The following THSD4 variants were observed in gnomAD, a reference collection of about 807,000 sequenced individuals.
THSD4 encodes thrombospondin type 1 domain containing 4, also known as thrombospondin type-1 domain-containing protein 4.
Under a neutral mutation model 119.0 loss-of-function variants are expected in THSD4, and 69 were observed. The observed-to-expected ratio is 0.58, with a 90% CI of 0.48 to 0.71. THSD4 has a LOEUF of 0.71. Ranked by LOEUF, THSD4 falls within the 30% of genes least tolerant of loss-of-function variation. The pLI is 0.00. For missense variants in THSD4, 1,393 were observed against 1,391.1 expected (o/e 1.00, Z -0.02); for synonymous variants, 524 against 540.4 (o/e 0.97, Z 0.42).
At chr15:71,475,760 A>C (rs2047646938) in intron 7 of THSD4, among the ~76,000 whole-genome samples, 1 of 152,100 alleles carries the variant, frequency 6.6e-6, no homozygotes, top group Non-Finnish European at 1.5e-5. Context: ...CTGTCTCTAC[A>C]AAATCGTTTT....
At chr15:71,656,679 C>A (rs2051199118) in intron 7 of THSD4, among the ~76,000 whole-genome samples, 1 of 152,314 alleles carries the variant, frequency 6.6e-6, no homozygotes, top group South Asian at 2.1e-4. Context: ...CCGACTTTTA[C>A]CTAATGGTTA....
chr15:71,536,257 C>T (rs1216420137), intron 7 of THSD4, among the ~76,000 whole-genome samples: 4 of 152,196 alleles, frequency 2.6e-5, no homozygotes, highest in East Asian at 1.9e-4. Context: ...CTACTTCTGG[C>T]TCTTTCCAGC....
At chr15:71,414,769 A>G (rs769065088) in intron 7 of THSD4, among the ~76,000 whole-genome samples, 1 of 152,214 alleles carries the variant, frequency 6.6e-6, no homozygotes, top group Non-Finnish European at 1.5e-5. Flanking sequence ...GTTTGCAGAT[A>G]ATAATTGCTA....
chr15:71,367,356 A>G (rs946413019), intron 6 of THSD4, among the ~76,000 whole-genome samples: 2 of 152,134 alleles, frequency 1.3e-5, no homozygotes, highest in East Asian at 1.9e-4. Flanking sequence ...GGTTTGTTAC[A>G]TATGTATACA....
At chr15:71,609,745 G>A (rs1036978710) in intron 7 of THSD4, among the ~76,000 whole-genome samples, 12 of 151,898 alleles carry the variant, frequency 7.9e-5, no homozygotes, top group Middle Eastern at 3.4e-3. Flanking sequence ...CCAGCTACTC[G>A]GGAGGCTGAG....
chr15:71,121,333 A>T (rs920389994), intron 1 of THSD4, among the ~76,000 whole-genome samples: 3 of 151,578 alleles, frequency 2.0e-5, no homozygotes, highest in African/African-American at 7.3e-5. Context: ...TCAGGCGTGT[A>T]GAAAAGTGCC....
chr15:71,608,437 C>CTCTGTCAACATCATT (rs1250066460), intron 7 of THSD4, among the ~76,000 whole-genome samples: 1 of 152,072 alleles, frequency 6.6e-6, no homozygotes, highest in Non-Finnish European at 1.5e-5. Flanking sequence ...ATTACAAATT[C>CTCTGTCAACATCATT]TCTGTCAACA....
At chr15:71,745,532 T>C (rs2053319359) in intron 12 of THSD4, among the ~76,000 whole-genome samples, 1 of 152,090 alleles carries the variant, frequency 6.6e-6, no homozygotes, top group Non-Finnish European at 1.5e-5. Context: ...GAGAAGCCAG[T>C]GTAGTTGGTG....
Position 71,532,283 on chromosome 15 carries a change from A to AGTGTGT in THSD4, c.1152+120504_1152+120509dup, listed in dbSNP as rs1210856261. On this transcript the variant is annotated intron_variant, in intron 7 of 17. Coordinates refer to ENST00000261862, the MANE Select transcript of THSD4 (RefSeq NM_024817.3). ...AAGGGTGAGAGAGAGAGAGAGAGAGAGTGTGTGTGTGTGTGTGTGTGTGTG... is the reference window on the plus strand; with the variant it reads ...AAGGGTGAGAGAGAGAGAGAGAGAGAGTGTGTGTGTGTGTGTGTGTGTGTGTGTGTG... 6.2e-3 allele frequency among the ~76,000 whole-genome samples: 628 copies of AGTGTGT among 101,610 alleles called. 6 individuals are homozygous for AGTGTGT. The highest frequency in any genetic ancestry group is 0.013 in the South Asian group (32 of 2,462). 66.7% of individuals were successfully genotyped at this position (101,610 alleles called of 152,430 possible).
chr15:71,622,511 G>A (rs1043806574), intron 7 of THSD4, among the ~76,000 whole-genome samples: 5 of 152,152 alleles, frequency 3.3e-5, no homozygotes, highest in African/African-American at 4.8e-5. Context: ...GACAAATTCC[G>A]TATGTCTCTT....
intron 6 of THSD4, among the ~76,000 whole-genome samples, chr15:71,277,128 C>CTTTTTTTTTTTTTTTTTTTTTTTTTTTTT (rs779207517): frequency 1.6e-5 from 2 of 123,018 alleles, no homozygotes; most frequent in African/African-American, 6.7e-5. Context: ...TCTTCTTCTT[C>CTTTTTTTTTTTTTTTTTTTTTTTTTTTTT]TTTTTTTTTT....
intron 8 of THSD4, among the ~76,000 whole-genome samples, chr15:71,727,176 G>C (rs2052858139): frequency 6.6e-6 from 1 of 151,960 alleles, no homozygotes; most frequent in South Asian, 2.1e-4. Context: ...TCCCATCTCT[G>C]AGCCACTCTG....
In THSD4 at chr15:71,682,572, CTTT is replaced by C. The variant is rs33972227; in HGVS notation, c.1357+21851_1357+21853del. ...ACAGCATATACTGTTTTGTATCTGG[CTTT>C]TTTTTTTTTTTTCTCAACATTTTTA... On this transcript the variant is annotated intron_variant, in intron 8 of 17. Transcript: ENST00000261862. Among the ~76,000 whole-genome samples, 493 of 141,822 alleles carry C rather than the reference CTTT, an allele frequency of 3.5e-3. 2 individuals carry two copies. The highest frequency in any genetic ancestry group is 0.011 in the African/African-American group (412 of 38,914). The allele number at this position is 141,822 out of a possible 152,430, so 93.0% of individuals were successfully genotyped here.
At chr15:71,565,038 AAAC>A (rs1187902104) in intron 7 of THSD4, among the ~76,000 whole-genome samples, 10 of 152,136 alleles carry the variant, frequency 6.6e-5, no homozygotes, top group African/African-American at 1.4e-4. Context: ...AGAGAACAAA[AAAC>A]AACAACCAAA....
At chr15:71,454,166 A>G (rs2047305159) in intron 7 of THSD4, among the ~76,000 whole-genome samples, 1 of 152,148 alleles carries the variant, frequency 6.6e-6, no homozygotes, top group African/African-American at 2.4e-5. Flanking sequence ...CTGAGGCAGG[A>G]GAATCGCTTG....
chr15:71,519,179 G>A (rs547073061), intron 7 of THSD4, among the ~76,000 whole-genome samples: 15 of 152,156 alleles, frequency 9.9e-5, no homozygotes, highest in African/African-American at 3.4e-4. Flanking sequence ...AAGCGCAAAG[G>A]CCCTGGGGTG....
intron 6 of THSD4, among the ~76,000 whole-genome samples, chr15:71,263,605 C>T (rs2044429475): frequency 6.6e-6 from 1 of 152,110 alleles, no homozygotes; most frequent in African/African-American, 2.4e-5. Flanking sequence ...TTTACACTCC[C>T]ACCAACAGTG....
intron 2 of THSD4, among the ~76,000 whole-genome samples, chr15:71,150,210 A>T (rs1159956980): frequency 1.3e-5 from 2 of 152,252 alleles, no homozygotes; most frequent in African/African-American, 4.8e-5. Context: ...AGTTGCACAC[A>T]CAGAGACACA....
chr15:71,588,856 G>C (rs2049741852), intron 7 of THSD4, among the ~76,000 whole-genome samples: 1 of 152,116 alleles, frequency 6.6e-6, no homozygotes, highest in Non-Finnish European at 1.5e-5. Context: ...TGCAGTCAGG[G>C]GGCACAGTTT....
Sources: allele counts gnomAD v4.1 joint callset (sites outside exome capture counted in the v4.1 genomes callset), GRCh38; gene constraint gnomAD v4.1.1; transcripts MANE v1.5; gene names NCBI Gene and HGNC (gene_info 2026-07-23, HGNC 2026-07-21).